The following DOP1B variants were observed in gnomAD, a reference collection of about 807,000 sequenced individuals.
The protein encoded by DOP1B is protein DOP1B.
In DOP1B, 174 loss-of-function variants were observed where a neutral mutation model predicts 233.5. The ratio of observed to expected loss-of-function variants is 0.75; its 90% confidence interval spans 0.66 to 0.85. DOP1B has a LOEUF of 0.85. DOP1B is among the 40% of genes least tolerant of loss of function. The probability of loss-of-function intolerance (pLI) is 0.00; values close to 1 mark genes in which losing one functional copy is unlikely to be tolerated. For missense variants in DOP1B, 2,652 were observed against 2,846.6 expected, an observed-to-expected ratio of 0.93 and a Z score of 1.56; for synonymous variants, 1,190 against 1,185.6, an observed-to-expected ratio of 1.00 and a Z score of -0.08.
In DOP1B at chr21:36,247,633, A is replaced by ATTT. The variant is rs5843755; in HGVS notation, c.4809+14_4809+16dup. On this transcript the variant is annotated splice_donor_region_variant and intron_variant, in intron 20 of 36. Transcript: ENST00000691173. ...CAAGCCAACCAAAACAAAAAGGTAA[A>ATTT]TTTTTTTTTTTCCTGAGTTCAAGGC... 5.9e-5 allele frequency: 82 copies of ATTT among 1,391,470 alleles called. No individual in the cohort carries two copies. The highest frequency in any genetic ancestry group is 1.9e-4 in the Middle Eastern group (1 of 5,316). 86.2% of individuals were successfully genotyped at this position (1,391,470 alleles called of 1,614,324 possible).
At chr21:36,285,430 C>T (rs142098503) in intron 32 of DOP1B, among the ~76,000 whole-genome samples, 1 of 152,242 alleles carries the variant, frequency 6.6e-6, no homozygotes, top group African/African-American at 2.4e-5. Context: ...AAAAATACTA[C>T]GTGTTTTTAA....
Position 36,252,764 on chromosome 21 carries a change from C to A in DOP1B, c.5122-1008C>A, listed in dbSNP as rs181857021. On this transcript the variant is annotated intron_variant, in intron 22 of 36. Coordinates refer to ENST00000691173, the MANE Select transcript of DOP1B (RefSeq NM_001320714.2). Reference sequence around the variant, plus strand: ...TGACCTCGTGATCCGCCTGCCTCGGCCTCCCAAGGTGCTGGGATTACAGGC... The same window carrying A: ...TGACCTCGTGATCCGCCTGCCTCGGACTCCCAAGGTGCTGGGATTACAGGC... 1.1e-3 allele frequency among the ~76,000 whole-genome samples: 167 copies of A among 152,252 alleles called. 2 individuals carry two copies. In the East Asian group the frequency reaches 0.025, roughly 23 times the overall value.
Position 36,219,512 on chromosome 21 carries a change from C to A in DOP1B, c.1250+20C>A, listed in dbSNP as rs1023517171. 6.2e-7 allele frequency: 1 copy of A among 1,611,788 alleles called. No homozygotes were observed. Among genetic ancestry groups the A allele is most frequent in the Non-Finnish European group, 8.5e-7 (1 of 1,178,902 alleles). On this transcript the variant is annotated intron_variant, in intron 10 of 36. Transcript: ENST00000691173. ...GATAAGGTATGGGTTTGGCCTTGAA[C>A]CTCACGCATCTCTCTCCCTCCCCGG...
chr21:36,239,684 G>A (rs188984259), intron 17 of DOP1B, 81 bp from the exon 18 acceptor site: 1,061 of 1,426,562 alleles, frequency 7.4e-4, no homozygotes, highest in Non-Finnish European at 9.4e-4. Flanking sequence ...GTTGGGTGAC[G>A]CCCTATGCCC....
Position 36,232,840 on chromosome 21 carries a change from C to T in DOP1B, c.2387C>T (p.Ser796Phe). Reference protein sequence around the residue: ...GDSSFPSWLKSLMTICCCVTD... With the variant: ...GDSSFPSWLKFLMTICCCVTD... ...TCCAGTTTTCCATCTTGGCTGAAGT[C>T]CCTCATGACTATTTGCTGCTGTGTG... The change falls in exon 15 of 37, where the codon TCC (serine) becomes TTC (phenylalanine). Residue 796 changes from serine to phenylalanine, a missense_variant. Coordinates refer to ENST00000691173, the MANE Select transcript of DOP1B (RefSeq NM_001320714.2). 6.2e-7 allele frequency: 1 copy of T among 1,613,286 alleles called. No individual in the cohort carries two copies. The highest frequency in any genetic ancestry group is 8.5e-7 in the Non-Finnish European group (1 of 1,179,920).
chr21:36,167,640 A>C (rs529139382), intron 2 of DOP1B, among the ~76,000 whole-genome samples: 43 of 152,240 alleles, frequency 2.8e-4, no homozygotes, highest in African/African-American at 9.4e-4. Flanking sequence ...AACCCTTACT[A>C]TCTAGTTCCA....
Position 36,230,519 on chromosome 21 carries a change from G to A in DOP1B, c.1735G>A (p.Ala579Thr). The change falls in exon 14 of 37, where the codon GCT becomes ACT. Residue 579 changes from alanine to threonine, a missense_variant. By Grantham distance (58) the Ala-to-Thr change is moderately conservative. Transcript: ENST00000691173. ...GGCAGTGATTCCCGGTGACGAAGAT[G>A]CTTCGTTTCCCCCTCTGAAGTCTGA... ...TKAVIPGDED[A>T]SFPPLKSEDS... 8 of 1,613,900 alleles carry A rather than the reference G, an allele frequency of 5.0e-6. No individual in the cohort carries two copies. Among genetic ancestry groups the A allele is most frequent in the Non-Finnish European group, 6.8e-6 (8 of 1,179,774 alleles).
At chr21:36,235,217 C>G (rs905157531) in intron 15 of DOP1B, among the ~76,000 whole-genome samples, 5 of 152,174 alleles carry the variant, frequency 3.3e-5, no homozygotes, top group African/African-American at 1.2e-4. Context: ...CCCCAATTCT[C>G]AGACTCCAGA....
rs535445928 is a variant in DOP1B, at chr21:36,183,900, G to A, written c.139-15170G>A. Among the ~76,000 whole-genome samples the A allele has an allele frequency of 2.0e-3, 301 of 147,206 alleles. 1 individual carries two copies. Among genetic ancestry groups the A allele is most frequent in the African/African-American group, 7.5e-3 (296 of 39,600 alleles). ...TTTTTTTTAGATGGCGTCTCACTCT[G>A]TCGCCCAGGCTGGAGTGCAGTGGTG... On this transcript the variant is annotated intron_variant, in intron 2 of 36. Coordinates refer to ENST00000691173, the MANE Select transcript of DOP1B (RefSeq NM_001320714.2).
chr21:36,211,111 C>T (rs1462474238), intron 5 of DOP1B, among the ~76,000 whole-genome samples: 4 of 152,232 alleles, frequency 2.6e-5, no homozygotes. Flanking sequence ...AAAGAGCTCT[C>T]CTCTTCTGAA....
At chr21:36,223,108 A>C in intron 10 of DOP1B, 123 bp from the exon 11 acceptor site, 1 of 924,326 alleles carries the variant, frequency 1.1e-6, no homozygotes, top group Non-Finnish European at 1.6e-6. Context: ...CATTTTTATC[A>C]GGGTGTGTCA....
intron 12 of DOP1B, among the ~76,000 whole-genome samples, 196 bp from the exon 13 acceptor site, chr21:36,227,490 T>G (rs986911324): frequency 8.5e-4 from 129 of 151,314 alleles, no homozygotes; most frequent in Admixed American, 2.7e-3. Flanking sequence ...GAGCTTGCAG[T>G]GAGCCGAGAT....
At chr21:36,169,154 C>T (rs1484200673) in intron 2 of DOP1B, 29 of 976,854 alleles carry the variant, frequency 3.0e-5, no homozygotes, top group Non-Finnish European at 4.2e-5. Flanking sequence ...AATGAGCACT[C>T]GCTTCTTGGT....
At chr21:36,289,279 G>A in intron 35 of DOP1B, 73 bp downstream of exon 35, 1 of 1,478,066 alleles carries the variant, frequency 6.8e-7, no homozygotes, top group South Asian at 1.2e-5. Flanking sequence ...ACTTTCACTT[G>A]TTTTTCATGT....
intron 10 of DOP1B, 47 bp from the exon 11 acceptor site, chr21:36,223,184 C>G: frequency 2.6e-6 from 4 of 1,525,014 alleles, no homozygotes; most frequent in Non-Finnish European, 3.5e-6. Context: ...TTTTGTAATT[C>G]AGGATTTTTT....
At position 36,239,897 on chromosome 21, in the gene DOP1B, G is replaced by C; in HGVS notation, c.3009G>C (p.Leu1003=). 2 of 1,608,834 alleles carry C rather than the reference G, an allele frequency of 1.2e-6. No homozygotes were observed. Among genetic ancestry groups the C allele is most frequent in the Admixed American group, 1.7e-5 (1 of 59,602 alleles). ...TCCTCGAACCCGTGCTCCTGCTGCTGCTGCAGCCAAAAACCCAGAGAACCT... is the reference window on the plus strand; with the variant it reads ...TCCTCGAACCCGTGCTCCTGCTGCTCCTGCAGCCAAAAACCCAGAGAACCT... ...ARILEPVLLL[L]LQPKTQRTSI... is the part of the protein sequence containing the mutation. Residue 1003 remains leucine (L), a synonymous_variant, in exon 18 of 37, where the codon CTG becomes CTC. Transcript: ENST00000691173.
At chr21:36,242,100 TC>T (rs2066898567) in intron 18 of DOP1B, among the ~76,000 whole-genome samples, 1 of 151,828 alleles carries the variant, frequency 6.6e-6, no homozygotes, top group Admixed American at 6.6e-5. Flanking sequence ...TTTTAGTATT[TC>T]TTTTTCTTTC....
chr21:36,188,219 C>A (rs989177155), intron 2 of DOP1B, among the ~76,000 whole-genome samples: 1 of 152,244 alleles, frequency 6.6e-6, no homozygotes, highest in African/African-American at 2.4e-5. Flanking sequence ...TCAGCTGTGA[C>A]CTTTCAGAGA....
intron 21 of DOP1B, 36 bp from the exon 22 acceptor site, chr21:36,251,126 T>C: frequency 3.1e-6 from 5 of 1,598,556 alleles, no homozygotes; most frequent in Non-Finnish European, 4.3e-6. Flanking sequence ...AGCCCCAATA[T>C]TACTCTGCAG....
Sources: gnomAD v4.1 joint callset for allele counts (sites outside exome capture counted in the v4.1 genomes callset) on GRCh38, gnomAD v4.1.1 for gene constraint, MANE v1.5 for transcripts, NCBI Gene and HGNC (gene_info 2026-07-23, HGNC 2026-07-21) for gene names.